Variants in SLC38A8 observed in about 807,000 individuals in gnomAD.
SLC38A8 encodes the protein amino acid transporter SLC38A8.
In SLC38A8, 65 loss-of-function variants were observed where a neutral mutation model predicts 46.0. The ratio of observed to expected loss-of-function variants is 1.41; its 90% CI spans 1.16 to 1.74. The LOEUF (loss-of-function observed/expected upper bound fraction) is 1.74, where lower values mean the gene tolerates loss of function less well. Ranked by LOEUF, SLC38A8 falls within the 40% of genes most tolerant of loss-of-function variation. SLC38A8 has a pLI of 0.00. For synonymous variants in SLC38A8, 447 were observed against 243.7 expected, an observed-to-expected ratio of 1.83 and a Z score of -7.77; for missense variants, 998 against 567.9, an observed-to-expected ratio of 1.76 and a Z score of -7.70.
chr16:84,029,411 G>A (rs1440622531), intron 6 of SLC38A8, 83 bp downstream of exon 6: 10 of 1,488,242 alleles, frequency 6.7e-6, no homozygotes, highest in South Asian at 1.2e-5. Flanking sequence ...CCCTGACAGA[G>A]AAACCAAGGT....
At chr16:84,040,622 T>C (rs1158889613) in intron 2 of SLC38A8, among the ~76,000 whole-genome samples, 2 of 152,192 alleles carry the variant, frequency 1.3e-5, no homozygotes, top group Non-Finnish European at 2.9e-5. Context: ...ACTGCTGTAA[T>C]GGCAGGCTTC....
At chr16:84,024,336 T>C (rs2085135091) in intron 6 of SLC38A8, among the ~76,000 whole-genome samples, 1 of 152,054 alleles carries the variant, frequency 6.6e-6, no homozygotes, top group Admixed American at 6.5e-5. Flanking sequence ...TGACATGCCA[T>C]ATTGGGGTAA....
chr16:84,038,867 A>G (rs533473876), intron 2 of SLC38A8, among the ~76,000 whole-genome samples: 1 of 152,316 alleles, frequency 6.6e-6, no homozygotes, highest in Admixed American at 6.5e-5. Context: ...CTAAAAGGCC[A>G]TTGTCTGAAT....
intron 3 of SLC38A8, among the ~76,000 whole-genome samples, chr16:84,034,752 C>G (rs1202979355): frequency 1.3e-5 from 2 of 152,154 alleles, no homozygotes; most frequent in Non-Finnish European, 2.9e-5. Context: ...AGGGACTGCA[C>G]ATGCCCCAGG....
chr16:84,012,074 G>A (rs1051188287), intron 10 of SLC38A8, among the ~76,000 whole-genome samples: 2 of 152,170 alleles, frequency 1.3e-5, no homozygotes, highest in African/African-American at 4.8e-5. Context: ...CCTGGCTCCA[G>A]AACTGGGGAA....
chr16:84,013,332 G>T (rs1037436684), intron 9 of SLC38A8, among the ~76,000 whole-genome samples: 1 of 151,848 alleles, frequency 6.6e-6, no homozygotes, highest in African/African-American at 2.4e-5. Context: ...CCCCACAGCA[G>T]AGTCTATGAG....
intron 3 of SLC38A8, among the ~76,000 whole-genome samples, chr16:84,034,428 C>T (rs76114803): frequency 6.6e-6 from 1 of 152,150 alleles, no homozygotes; most frequent in Non-Finnish European, 1.5e-5. Context: ...AGAGGTAAGA[C>T]AGATGGGGGA....
intron 10 of SLC38A8, among the ~76,000 whole-genome samples, chr16:84,011,174 G>A (rs1484376388): frequency 6.6e-6 from 1 of 152,256 alleles, no homozygotes; most frequent in Non-Finnish European, 1.5e-5. Context: ...AGGCTAATGT[G>A]CCTGTGGGCT....
At chr16:84,016,379 A>T (rs1341178158) in intron 9 of SLC38A8, 140 bp downstream of exon 9, 7 of 903,156 alleles carry the variant, frequency 7.8e-6, no homozygotes, top group African/African-American at 1.7e-5. Context: ...GCTCAATAAA[A>T]AGGGCACCTA....
intron 3 of SLC38A8, among the ~76,000 whole-genome samples, chr16:84,035,465 C>G (rs1004747927): frequency 7.9e-5 from 12 of 152,274 alleles, no homozygotes; most frequent in South Asian, 6.2e-4. Context: ...AATTAAAAGT[C>G]TAAACATTCC....
At position 84,033,486 on chromosome 16, in the gene SLC38A8, G is replaced by C. The variant is rs753307147; in HGVS notation, c.389-17C>G. 3.8e-6 allele frequency: 6 copies of C among 1,583,474 alleles called. No individual in the cohort carries two copies. The highest frequency in any genetic ancestry group is 2.3e-5 in the South Asian group (2 of 85,866). On this transcript the variant is annotated splice_polypyrimidine_tract_variant and intron_variant, in intron 3 of 10. Coordinates refer to ENST00000299709, the MANE Select transcript of SLC38A8 (RefSeq NM_001080442.3). ...AGTCACACACTGCCAGAGACACGGG[G>C]AGAGCTGAGCCACAGAGTACAAATG...
intron 3 of SLC38A8, among the ~76,000 whole-genome samples, chr16:84,035,617 T>A (rs12922815): frequency 0.4 from 61,420 of 151,818 alleles, 12,720 homozygotes; most frequent in Non-Finnish European, 0.45. Flanking sequence ...AACAAAAAAA[T>A]AATCCAAGTC....
At position 84,042,108 on chromosome 16, in the gene SLC38A8, G is replaced by C. The variant is rs1195061741; in HGVS notation, c.50C>G (p.Pro17Arg). Residue 17 changes from proline (P) to arginine (R), a missense_variant, in exon 2 of 11, where the codon CCT (proline) becomes CGT (arginine). Transcript: ENST00000299709. Reference sequence around the variant, plus strand: ...GGACAGAGTGGCAGCAGCCGTGGCAGGGTGAGGCTTTTCTGGAAGGCCCCT... The same window carrying C: ...GGACAGAGTGGCAGCAGCCGTGGCACGGTGAGGCTTTTCTGGAAGGCCCCT... ...GSRGLPEKPH[P>R]ATAAATLSSM... 6 of 1,613,826 alleles carry C rather than the reference G, an allele frequency of 3.7e-6. 1 individual carries two copies. In the Admixed American group the frequency reaches 1.0e-4, roughly 27 times the overall value.
chr16:84,022,867 A>G lies in SLC38A8; in HGVS notation c.713T>C (p.Ile238Thr), dbSNP rs1420907833. 1.1e-5 allele frequency: 17 copies of G among 1,607,376 alleles called. No individual in the cohort carries two copies. Among genetic ancestry groups the G allele is most frequent in the Non-Finnish European group, 1.4e-5 (16 of 1,177,652 alleles). Residue 238 changes from isoleucine to threonine, a missense_variant, in exon 7 of 11, where the codon ATC (isoleucine) becomes ACC (threonine). Physicochemically the swap from Ile to Thr is moderately conservative, Grantham distance 89. Transcript: ENST00000299709. ...GCTCCGTTTGCGCATGCTGCAGTAG[A>G]TGGAGACGGCAGCTTCGTGACACTG... The part of the protein sequence containing the change: ...GFQCHEAAVS[I>T]YCSMRKRSLS...
intron 9 of SLC38A8, among the ~76,000 whole-genome samples, chr16:84,015,334 T>G (rs2085012261): frequency 6.6e-6 from 1 of 152,042 alleles, no homozygotes; most frequent in African/African-American, 2.4e-5. Context: ...TCTCAGATAA[T>G]GCTTGGGCTG....
At chr16:84,028,588 G>C (rs902537488) in intron 6 of SLC38A8, among the ~76,000 whole-genome samples, 2 of 148,528 alleles carry the variant, frequency 1.3e-5, no homozygotes, top group Non-Finnish European at 3.0e-5. Context: ...AAAAAAGAAA[G>C]AAATGGAAGA....
At chr16:84,023,108 G>T (rs960295012) in intron 6 of SLC38A8, among the ~76,000 whole-genome samples, 1 of 151,934 alleles carries the variant, frequency 6.6e-6, no homozygotes, top group Admixed American at 6.6e-5. Context: ...ACACGCCACA[G>T]TACCAGGCAT....
At position 84,036,837 on chromosome 16, in the gene SLC38A8, G is replaced by A. The variant is rs1269662688; in HGVS notation, c.253C>T (p.Gln85Ter). The A allele has an allele frequency of 3.1e-6, 5 of 1,613,782 alleles. No individual in the cohort carries two copies. The highest frequency in any genetic ancestry group is 4.2e-6 in the Non-Finnish European group (5 of 1,180,004). ...ILGYAAAVSG[Q>*]ATYQGVVRGL... is the part of the protein sequence containing the mutation. ...CTGACCACACCCTGGTAGGTGGCCT[G>A]GCCACTGACAGCAGCAGCATAGCCC... The change falls in exon 3 of 11, where the codon CAG (glutamine) becomes TAG (stop). Residue 85 changes from glutamine to a stop codon, truncating the protein, a stop_gained. Coordinates refer to ENST00000299709, the MANE Select transcript of SLC38A8 (RefSeq NM_001080442.3). LOFTEE classifies it high-confidence loss of function.
chr16:84,018,790 T>C (rs1243266675), intron 7 of SLC38A8, among the ~76,000 whole-genome samples: 1 of 152,162 alleles, frequency 6.6e-6, no homozygotes, highest in Admixed American at 6.5e-5. Flanking sequence ...AGACAAAGAA[T>C]AAATCTGACA....
Sources: gnomAD v4.1 joint callset for allele counts (sites outside exome capture counted in the v4.1 genomes callset) on GRCh38, gnomAD v4.1.1 for gene constraint, MANE v1.5 for transcripts, NCBI Gene and HGNC (gene_info 2026-07-23, HGNC 2026-07-21) for gene names.